ARRB1: variants seen among roughly 807,000 people sequenced by gnomAD.
The protein encoded by ARRB1 is arrestin beta 1.
In ARRB1, 21 loss-of-function variants were observed where a neutral mutation model predicts 56.8. The ratio of observed to expected loss-of-function variants is 0.37; its 90% confidence interval spans 0.26 to 0.53. The LOEUF is 0.53. Among genes scored for constraint, ARRB1 ranks in the 20% least tolerant of loss-of-function variants. The probability of loss-of-function intolerance (pLI) is 0.88; values close to 1 mark genes in which losing one functional copy is unlikely to be tolerated. For synonymous variants in ARRB1, 210 were observed against 218.6 expected, an observed-to-expected ratio of 0.96 and a Z score of 0.35; for missense variants, 424 against 553.7, an observed-to-expected ratio of 0.77 and a Z score of 2.35.
intron 1 of ARRB1, among the ~76,000 whole-genome samples, chr11:75,347,140 G>A (rs977422169): frequency 2.6e-5 from 4 of 152,258 alleles, no homozygotes; most frequent in Admixed American, 1.3e-4. Flanking sequence ...AACGGGAGGC[G>A]TCAGCCTCAG....
At chr11:75,318,904 C>G (rs565828224) in intron 1 of ARRB1, among the ~76,000 whole-genome samples, 1 of 152,112 alleles carries the variant, frequency 6.6e-6, no homozygotes, top group Non-Finnish European at 1.5e-5. Context: ...ATGGCCAGCC[C>G]TACTAAGAAG....
At chr11:75,317,534 G>C (rs1278196870) in intron 1 of ARRB1, among the ~76,000 whole-genome samples, 2 of 152,138 alleles carry the variant, frequency 1.3e-5, no homozygotes, top group Non-Finnish European at 2.9e-5. Context: ...CCCCCCATCA[G>C]ACAATCTCCT....
chr11:75,273,690 G>A (rs1484069611), intron 11 of ARRB1, among the ~76,000 whole-genome samples: 2 of 45,316 alleles, frequency 4.4e-5, no homozygotes, highest in African/African-American at 9.3e-5. Context: ...CTGACTTGGA[G>A]GGGCACCCCA....
rs1039433117 is a variant in ARRB1, at chr11:75,262,627, A to G, written c.*3536T>C. ...TACAGAGCCCTGACCGCTGACTTTC[A>G]TCTCATCTGGGCCTCATAACAATTC... On this transcript the variant is annotated 3_prime_UTR_variant, in exon 16 of 16. Coordinates refer to ENST00000420843, the MANE Select transcript of ARRB1 (RefSeq NM_004041.5). Among the ~76,000 whole-genome samples, 1 of 152,176 alleles carries G rather than the reference A, an allele frequency of 6.6e-6. No homozygotes were observed. Among genetic ancestry groups the G allele is most frequent in the Non-Finnish European group, 1.5e-5 (1 of 68,016 alleles).
chr11:75,266,944 C>A (rs1021963156), intron 15 of ARRB1, among the ~76,000 whole-genome samples: 3 of 152,142 alleles, frequency 2.0e-5, no homozygotes, highest in African/African-American at 7.2e-5. Flanking sequence ...GACTAGACTG[C>A]CTTTAAGAAC....
intron 1 of ARRB1, among the ~76,000 whole-genome samples, chr11:75,302,543 A>C (rs1232355328): frequency 6.6e-6 from 1 of 152,226 alleles, no homozygotes; most frequent in Non-Finnish European, 1.5e-5. Flanking sequence ...GCTGAGATGC[A>C]GGAAGAGAAG....
intron 1 of ARRB1, among the ~76,000 whole-genome samples, chr11:75,326,995 C>T (rs1360859717): frequency 6.6e-6 from 1 of 152,014 alleles, no homozygotes; most frequent in Non-Finnish European, 1.5e-5. Flanking sequence ...GCATGAGCCA[C>T]CATGCCCAGA....
chr11:75,335,008 C>T (rs949311182), intron 1 of ARRB1: 2 of 168,148 alleles, frequency 1.2e-5, no homozygotes, highest in African/African-American at 4.8e-5. Context: ...CACAAAACCC[C>T]TGAGCACATG....
At chr11:75,299,273 G>A (rs1422761135) in intron 1 of ARRB1, among the ~76,000 whole-genome samples, 1 of 150,784 alleles carries the variant, frequency 6.6e-6, no homozygotes, top group Non-Finnish European at 1.5e-5. Context: ...CAGAGAGAAT[G>A]AAAAAAAGGA....
At chr11:75,324,735 C>T (rs747962105) in intron 1 of ARRB1, among the ~76,000 whole-genome samples, 3 of 152,296 alleles carry the variant, frequency 2.0e-5, no homozygotes, top group Middle Eastern at 3.4e-3. Context: ...CTTTCTGCTG[C>T]GACTTTGCCT....
At chr11:75,306,618 A>G in intron 1 of ARRB1, 1 of 1,289,182 alleles carries the variant, frequency 7.8e-7, no homozygotes, top group Non-Finnish European at 1.0e-6. Flanking sequence ...AGCAGCGCCA[A>G]AGCAGTGGAC....
rs1044124381 is a variant in ARRB1 at position 75,260,899 on chromosome 11, G to C, written c.*5264C>G. On this transcript the variant is annotated 3_prime_UTR_variant, in exon 16 of 16. Transcript: ENST00000420843. The stretch of plus-strand genomic sequence containing the variant: ...TGTGAGCCAAGATTTCCATCCATCC[G>C]GCGCTGTGTAAAGATGAATTTAACC... 3.3e-5 allele frequency: 5 copies of C among 152,084 alleles called. No individual in the cohort carries two copies. The highest frequency in any genetic ancestry group is 1.2e-4 in the African/African-American group (5 of 41,406). The allele number at this position is 152,084 out of a possible 1,614,324, so 9.4% of individuals were successfully genotyped here.
At position 75,278,733 on chromosome 11, in the gene ARRB1, C is replaced by T. The variant is rs200290486; in HGVS notation, c.494G>A (p.Arg165His). 91 of 1,609,864 alleles carry T rather than the reference C, an allele frequency of 5.7e-5. No individual in the cohort carries two copies. In the Admixed American group the frequency reaches 1.3e-3, roughly 24 times the overall value. ...ATACTGAACCTTCCGGATGACCAGA[C>T]GCACAGAATTCCTAATGGAGATGGG... The part of the protein sequence containing the change: ...EEKIHKRNSV[R>H]LVIRKVQYAP... Residue 165 changes from arginine (R) to histidine (H), a missense_variant, in exon 8 of 16, where the codon CGT becomes CAT. By Grantham distance (29) the Arg-to-His change is conservative. This residue lies in a region of ARRB1 where 301 missense variants were observed against 387.9 expected (regional missense o/e 0.78). Coordinates refer to ENST00000420843, the MANE Select transcript of ARRB1 (RefSeq NM_004041.5).
chr11:75,275,636 G>A (rs2140411557), intron 10 of ARRB1, among the ~76,000 whole-genome samples: 1 of 152,280 alleles, frequency 6.6e-6, no homozygotes, highest in East Asian at 1.9e-4. Context: ...CCTTTCCAAT[G>A]AGAGAGCTGT....
At chr11:75,323,711 C>T (rs1004083049) in intron 1 of ARRB1, among the ~76,000 whole-genome samples, 5 of 152,096 alleles carry the variant, frequency 3.3e-5, no homozygotes, top group African/African-American at 1.2e-4. Context: ...AGGAAGGAAG[C>T]GGAAAGGTGT....
chr11:75,327,487 T>A (rs868867487), intron 1 of ARRB1, among the ~76,000 whole-genome samples: 12 of 151,728 alleles, frequency 7.9e-5, no homozygotes, highest in Non-Finnish European at 1.6e-4. Context: ...TTTATTGAGG[T>A]GGGTGCAGTG....
At position 75,287,395 on chromosome 11, in the gene ARRB1, G is replaced by C. The variant is rs377175552; in HGVS notation, c.52-20C>G. On this transcript the variant is annotated intron_variant, in intron 2 of 15. Coordinates refer to ENST00000420843, the MANE Select transcript of ARRB1 (RefSeq NM_004041.5). Reference sequence around the variant, plus strand: ...GGTGAGCTGAGGAGGAGAGGCATAGGGGGCGTTAGCAGCTGCAGGCCCAGA... The same window carrying C: ...GGTGAGCTGAGGAGGAGAGGCATAGCGGGCGTTAGCAGCTGCAGGCCCAGA... The C allele has an allele frequency of 1.3e-6, 2 of 1,555,690 alleles. No homozygotes were observed. Among genetic ancestry groups the C allele is most frequent in the Admixed American group, 1.9e-5 (1 of 51,518 alleles).
At chr11:75,292,493 C>T (rs1028128880) in intron 1 of ARRB1, among the ~76,000 whole-genome samples, 20 of 152,276 alleles carry the variant, frequency 1.3e-4, no homozygotes, top group Admixed American at 5.9e-4. Flanking sequence ...CCACAGTCAG[C>T]TGGGGTGTGA....
chr11:75,284,194 A>C, intron 4 of ARRB1, 41 bp downstream of exon 4: 1 of 1,570,682 alleles, frequency 6.4e-7, no homozygotes, highest in African/African-American at 1.4e-5. Context: ...GGGGAAGAGG[A>C]GGCGGCCCTT....
Sources: gnomAD v4.1 joint callset for allele counts (sites outside exome capture counted in the v4.1 genomes callset) on GRCh38, gnomAD v4.1.1 for gene constraint, gnomAD v4.1.1 regional missense constraint, MANE v1.5 for transcripts, NCBI Gene and HGNC (gene_info 2026-07-23, HGNC 2026-07-21) for gene names.